MAN1C1: variants seen among roughly 807,000 people sequenced by gnomAD.
MAN1C1 encodes the protein mannosyl-oligosaccharide 1,2-alpha-mannosidase IC.
A neutral mutation model predicts 71.5 loss-of-function variants in MAN1C1; 49 were observed. The ratio of observed to expected loss-of-function variants is 0.69; its 90% confidence interval spans 0.54 to 0.87. MAN1C1 has a LOEUF of 0.87. MAN1C1 is among the 40% of genes least tolerant of loss of function. MAN1C1 has a pLI of 0.00. For synonymous variants in MAN1C1, 352 were observed against 343.7 expected, an observed-to-expected ratio of 1.02 and a Z score of -0.27; for missense variants, 743 against 835.0, an observed-to-expected ratio of 0.89 and a Z score of 1.36.
intron 2 of MAN1C1, among the ~76,000 whole-genome samples, chr1:25,713,651 C>T (rs2046642370): frequency 6.6e-6 from 1 of 152,144 alleles, no homozygotes; most frequent in African/African-American, 2.4e-5. Context: ...CCTAAGCCTT[C>T]CTGATTCATA....
chr1:25,750,603 C>T (rs963382595), intron 4 of MAN1C1, among the ~76,000 whole-genome samples: 1 of 152,228 alleles, frequency 6.6e-6, no homozygotes, highest in Non-Finnish European at 1.5e-5. Context: ...TTCGAAGCAA[C>T]AGGCGGGCAC....
chr1:25,646,567 A>C (rs553473592), intron 1 of MAN1C1: 1 of 152,336 alleles, frequency 6.6e-6, no homozygotes, highest in Admixed American at 6.5e-5. Flanking sequence ...TGTCTCCCCA[A>C]ATGGAAAACC....
chr1:25,644,543 T>TTTTTTTTTA (rs2045587432), intron 1 of MAN1C1: 3 of 135,628 alleles, frequency 2.2e-5, no homozygotes, highest in Admixed American at 7.4e-5. Context: ...TTTTTTTTTT[T>TTTTTTTTTA]GAGACAAGGT....
At chr1:25,686,644 CA>C (rs1446900193) in intron 2 of MAN1C1, 108 bp downstream of exon 2, 3 of 874,362 alleles carry the variant, frequency 3.4e-6, no homozygotes, top group Non-Finnish European at 1.9e-6. Context: ...GGGGGCTCCA[CA>C]GTTCTCCAGA....
chr1:25,752,347 G>A (rs901208932), intron 4 of MAN1C1, among the ~76,000 whole-genome samples: 6 of 152,014 alleles, frequency 3.9e-5, no homozygotes, highest in Non-Finnish European at 1.5e-5. Context: ...TTGTATTTTT[G>A]GTAGAGACGG....
In MAN1C1 at chr1:25,778,564, A is replaced by G. The variant is rs1388694805; in HGVS notation, c.1477+240A>G. On this transcript the variant is annotated intron_variant, in intron 9 of 11. Coordinates refer to ENST00000374332, the MANE Select transcript of MAN1C1 (RefSeq NM_020379.4). This position sits in a 1 kb window ranked among gnomAD's most constrained non-coding sequence, Gnocchi z 5.5. ...TACCTGGTACTCTTCCGCACTTGAC[A>G]CAACATCACTGAACCTCACCACACA... is the stretch of plus-strand genomic sequence containing the variant. 6.6e-6 allele frequency among the ~76,000 whole-genome samples: 1 copy of G among 152,224 alleles called. No individual in the cohort carries two copies. Among genetic ancestry groups the G allele is most frequent in the Non-Finnish European group, 1.5e-5 (1 of 68,034 alleles).
chr1:25,623,974 G>A (rs751401926), intron 1 of MAN1C1, among the ~76,000 whole-genome samples: 8 of 152,260 alleles, frequency 5.3e-5, no homozygotes, highest in South Asian at 2.1e-4. Flanking sequence ...TTGTCTTTCC[G>A]GTTCTGTGCA....
Position 25,769,364 on chromosome 1 carries a change from C to T in MAN1C1, c.1142-2293C>T, listed in dbSNP as rs2047514783. Among the ~76,000 whole-genome samples the T allele has an allele frequency of 6.7e-6, 1 of 149,892 alleles. No individual in the cohort carries two copies. Among genetic ancestry groups the T allele is most frequent in the Non-Finnish European group, 1.5e-5 (1 of 67,840 alleles). On this transcript the variant is annotated intron_variant, in intron 7 of 11. Transcript: ENST00000374332. The surrounding 1 kb of genome is among the most constrained non-coding windows in gnomAD (Gnocchi z 4.8). ...CACACATTCATTCACCACACATACA[C>T]ACTCACCCCACACCCCATACATACA...
intron 9 of MAN1C1, 62 bp from the exon 10 acceptor site, chr1:25,780,878 G>A: frequency 6.4e-7 from 1 of 1,561,552 alleles, no homozygotes; most frequent in Non-Finnish European, 8.7e-7. Context: ...CATCTCTCCT[G>A]GATCCCGAAA....
chr1:25,771,344 A>G (rs1374916745), intron 7 of MAN1C1, among the ~76,000 whole-genome samples: 1 of 152,192 alleles, frequency 6.6e-6, no homozygotes, highest in Non-Finnish European at 1.5e-5. Flanking sequence ...AAGAAATGCA[A>G]CTCACTTACA....
intron 2 of MAN1C1, among the ~76,000 whole-genome samples, chr1:25,698,902 C>T (rs887782028): frequency 2.8e-4 from 42 of 150,680 alleles, no homozygotes; most frequent in Non-Finnish European, 5.0e-4. Flanking sequence ...GAGTGGAGAT[C>T]GCGCCACTGC....
At chr1:25,727,617 G>T (rs2046849969) in intron 2 of MAN1C1, among the ~76,000 whole-genome samples, 1 of 152,252 alleles carries the variant, frequency 6.6e-6, no homozygotes, top group South Asian at 2.1e-4. Context: ...GGTATTCTGT[G>T]TGAAAGTCAC....
intron 2 of MAN1C1, among the ~76,000 whole-genome samples, chr1:25,726,408 C>T (rs556616845): frequency 2.0e-5 from 3 of 152,196 alleles, no homozygotes; most frequent in Admixed American, 6.5e-5. Context: ...CCAGGCCCTG[C>T]CTCCCTCTGA....
chr1:25,765,019 A>G (rs915176681), intron 7 of MAN1C1, among the ~76,000 whole-genome samples: 2 of 152,042 alleles, frequency 1.3e-5, no homozygotes, highest in Non-Finnish European at 1.5e-5. Context: ...CTGCACTTCA[A>G]CCTGGGCGAC....
intron 1 of MAN1C1, among the ~76,000 whole-genome samples, chr1:25,678,708 A>T (rs1334563506): frequency 6.6e-6 from 1 of 152,196 alleles, no homozygotes; most frequent in Admixed American, 6.5e-5. Flanking sequence ...TATGGGAAGG[A>T]GGTGAAGTAA....
At chr1:25,767,803 C>A (rs1238570158) in intron 7 of MAN1C1, among the ~76,000 whole-genome samples, 1 of 139,590 alleles carries the variant, frequency 7.2e-6, no homozygotes, top group African/African-American at 2.7e-5. Flanking sequence ...TTACACACTC[C>A]CCTCACGTAC....
chr1:25,700,618 A>G (rs890997903), intron 2 of MAN1C1, among the ~76,000 whole-genome samples: 7 of 152,226 alleles, frequency 4.6e-5, no homozygotes, highest in Non-Finnish European at 1.0e-4. Flanking sequence ...ATCTATGAGA[A>G]AGCGGGCATT....
intron 2 of MAN1C1, among the ~76,000 whole-genome samples, chr1:25,736,999 C>T (rs2046991682): frequency 6.6e-6 from 1 of 152,232 alleles, no homozygotes; most frequent in Admixed American, 6.5e-5. Flanking sequence ...TGGAAGGTGG[C>T]TTCTGGTCAC....
At chr1:25,780,764 A>G in intron 9 of MAN1C1, 176 bp from the exon 10 acceptor site, 1 of 622,618 alleles carries the variant, frequency 1.6e-6, no homozygotes, top group Non-Finnish European at 2.8e-6. Context: ...CCAAGAGGGA[A>G]GCTGTGCATC....
Sources: gnomAD v4.1 joint callset for allele counts (sites outside exome capture counted in the v4.1 genomes callset) on GRCh38, gnomAD v4.1.1 for gene constraint, Gnocchi (gnomAD v3.1) non-coding constraint, MANE v1.5 for transcripts, NCBI Gene and HGNC (gene_info 2026-07-23, HGNC 2026-07-21) for gene names.